MEF2C: variants seen among roughly 807,000 people sequenced by gnomAD.
The protein encoded by MEF2C is myocyte-specific enhancer factor 2C.
A neutral mutation model predicts 50.5 loss-of-function variants in MEF2C; 6 were observed. The ratio of observed to expected loss-of-function variants is 0.12; its 90% CI spans 0.07 to 0.23. The LOEUF is 0.23. Among genes scored for constraint, MEF2C ranks in the 10% least tolerant of loss-of-function variants. The pLI is 1.00. For synonymous variants in MEF2C, 183 were observed against 228.0 expected, an observed-to-expected ratio of 0.80 and a Z score of 1.78; for missense variants, 276 against 605.0, an observed-to-expected ratio of 0.46 and a Z score of 5.70.
At chr5:88,764,889 A>G (rs979892987) in intron 3 of MEF2C, among the ~76,000 whole-genome samples, 1 of 152,160 alleles carries the variant, frequency 6.6e-6, no homozygotes, top group Non-Finnish European at 1.5e-5. Context: ...AAATAGAGCT[A>G]AAATATTGAT....
At chr5:88,764,534 G>T (rs1028492583) in intron 3 of MEF2C, among the ~76,000 whole-genome samples, 1 of 151,656 alleles carries the variant, frequency 6.6e-6, no homozygotes. Flanking sequence ...AATTGTCCAG[G>T]CGTGGTGGCT....
At position 88,879,727 on chromosome 5, in the gene MEF2C, C is replaced by T. The variant is rs151224592; in HGVS notation, c.-143+3228G>A. Among the ~76,000 whole-genome samples, 576 of 152,176 alleles carry T rather than the reference C, an allele frequency of 3.8e-3. 4 individuals carry two copies. The highest frequency in any genetic ancestry group is 0.013 in the African/African-American group (558 of 41,538). On this transcript the variant is annotated intron_variant, in intron 1 of 10. Coordinates refer to ENST00000504921, the MANE Select transcript of MEF2C (RefSeq NM_002397.5). Reference sequence around the variant, plus strand: ...CAATGAAGACATACATAAAAAAGGACATGTTTTCTCTTACTTCACTACTGA... The same window carrying T: ...CAATGAAGACATACATAAAAAAGGATATGTTTTCTCTTACTTCACTACTGA...
At chr5:88,890,824 A>G (rs533454756) in intron 1 of MEF2C, among the ~76,000 whole-genome samples, 4 of 152,262 alleles carry the variant, frequency 2.6e-5, no homozygotes, top group Admixed American at 6.5e-5. Context: ...CCAGACACCT[A>G]ATTTTTTTAT....
chr5:88,839,961 GA>G (rs935388617), intron 1 of MEF2C, among the ~76,000 whole-genome samples: 25 of 152,002 alleles, frequency 1.6e-4, no homozygotes, highest in African/African-American at 5.6e-4. Context: ...TCAAAAAAGA[GA>G]AAAAAATCTT....
Position 88,823,838 on chromosome 5 carries a change from C to T in MEF2C, c.-50G>A, listed in dbSNP as rs770123974. The T allele has an allele frequency of 1.2e-5, 19 of 1,599,622 alleles. No individual in the cohort carries two copies. Among genetic ancestry groups the T allele is most frequent in the Non-Finnish European group, 1.5e-5 (18 of 1,172,556 alleles). On this transcript the variant is annotated 5_prime_UTR_variant, in exon 2 of 11. Coordinates refer to ENST00000504921, the MANE Select transcript of MEF2C (RefSeq NM_002397.5). ...CGTCCCTGAAATTATGTATTTTTTC[C>T]TTCCTTTTCTTTCTCTTTCCTGTTT...
chr5:88,809,634 T>TA (rs1403831185), intron 2 of MEF2C, among the ~76,000 whole-genome samples: 1 of 152,184 alleles, frequency 6.6e-6, no homozygotes, highest in Non-Finnish European at 1.5e-5. Context: ...TATTTTTATT[T>TA]AGAGTTGGGT....
At chr5:88,740,605 G>T in intron 6 of MEF2C, 1 of 984,492 alleles carries the variant, frequency 1.0e-6, no homozygotes, top group Non-Finnish European at 1.2e-6. Context: ...ACAAAAGCCA[G>T]ATGTCTGAGA....
intron 1 of MEF2C, chr5:88,824,278 C>T: frequency 2.0e-6 from 2 of 984,718 alleles, no homozygotes; most frequent in Non-Finnish European, 2.4e-6. Flanking sequence ...GAAAAATTAC[C>T]TAAATCAGAG....
chr5:88,890,017 C>G (rs1170066481), intron 1 of MEF2C, among the ~76,000 whole-genome samples: 1 of 152,222 alleles, frequency 6.6e-6, no homozygotes, highest in African/African-American at 2.4e-5. Flanking sequence ...AGCCGCCGCC[C>G]CTGTCCCACT....
At chr5:88,811,567 T>C (rs533163134) in intron 2 of MEF2C, among the ~76,000 whole-genome samples, 20 of 152,274 alleles carry the variant, frequency 1.3e-4, no homozygotes, top group African/African-American at 4.8e-4. Flanking sequence ...AATGGCAATA[T>C]GGTTCACCAA....
upstream of MEF2C, among the ~76,000 whole-genome samples, chr5:88,888,011 G>A (rs928184279): frequency 3.9e-5 from 6 of 152,146 alleles, no homozygotes; most frequent in African/African-American, 1.4e-4. Flanking sequence ...CATTATATCC[G>A]AAGCTAACAC....
At chr5:88,782,578 G>T (rs922145937) in intron 3 of MEF2C, among the ~76,000 whole-genome samples, 7 of 152,148 alleles carry the variant, frequency 4.6e-5, no homozygotes, top group African/African-American at 1.7e-4. Context: ...ATAGTCCTCA[G>T]TCACAGAAAT....
intron 2 of MEF2C, among the ~76,000 whole-genome samples, chr5:88,807,247 A>T (rs1226397705): frequency 6.6e-6 from 1 of 152,138 alleles, no homozygotes; most frequent in Non-Finnish European, 1.5e-5. Context: ...GTTTTTTGAG[A>T]CAGGGTCTCC....
intron 6 of MEF2C, among the ~76,000 whole-genome samples, chr5:88,744,585 T>C (rs558080665): frequency 4.6e-4 from 70 of 152,246 alleles, no homozygotes; most frequent in Admixed American, 5.9e-4. Flanking sequence ...TATGACAAAA[T>C]GTTATTTTAA....
chr5:88,888,629 TTAAG>T (rs1834222403), intron 1 of MEF2C, among the ~76,000 whole-genome samples: 1 of 152,152 alleles, frequency 6.6e-6, no homozygotes, highest in African/African-American at 2.4e-5. Flanking sequence ...TTACAGTCTA[TTAAG>T]TGAGAATCAT....
At chr5:88,868,603 C>CTT (rs1489815861) in intron 1 of MEF2C, among the ~76,000 whole-genome samples, 1 of 152,126 alleles carries the variant, frequency 6.6e-6, no homozygotes, top group African/African-American at 2.4e-5. Flanking sequence ...TCTTGTAACA[C>CTT]ACTACAATTC....
intron 3 of MEF2C, among the ~76,000 whole-genome samples, chr5:88,803,842 G>T (rs139104045): frequency 6.6e-6 from 1 of 152,122 alleles, no homozygotes; most frequent in African/African-American, 2.4e-5. Context: ...AAATGTTCCA[G>T]CCAAAACTGT....
chr5:88,858,286 T>C (rs141524375), intron 1 of MEF2C, among the ~76,000 whole-genome samples: 1 of 152,322 alleles, frequency 6.6e-6, no homozygotes, highest in African/African-American at 2.4e-5. Context: ...GTCTCTCATA[T>C]AGGAATTCAT....
chr5:88,799,379 G>A (rs966056265), intron 3 of MEF2C, among the ~76,000 whole-genome samples: 1 of 152,212 alleles, frequency 6.6e-6, no homozygotes, highest in African/African-American at 2.4e-5. Flanking sequence ...TCTGGCTACA[G>A]TGGCTTTACA....
Sources: allele counts gnomAD v4.1 joint callset (sites outside exome capture counted in the v4.1 genomes callset), GRCh38; gene constraint gnomAD v4.1.1; transcripts MANE v1.5; gene names NCBI Gene and HGNC (gene_info 2026-07-23, HGNC 2026-07-21).